Variants in ALDH1A2 observed in about 807,000 individuals in gnomAD.
ALDH1A2 encodes the protein retinal dehydrogenase 2.
Under a neutral mutation model 60.3 loss-of-function variants are expected in ALDH1A2, and 27 were observed. That is an observed-to-expected ratio of 0.45 (90% CI 0.33 to 0.62). The LOEUF is 0.62. ALDH1A2 is among the 20% of genes least tolerant of loss of function. The pLI is 0.02. For missense variants in ALDH1A2, 581 were observed against 643.8 expected (o/e 0.90, Z 1.06); for synonymous variants, 289 against 232.4 (o/e 1.24, Z -2.21).
chr15:58,041,949 A>G (rs558565636), intron 1 of ALDH1A2, among the ~76,000 whole-genome samples: 1 of 152,052 alleles, frequency 6.6e-6, no homozygotes, highest in South Asian at 2.1e-4. Flanking sequence ...TGTAAACGTG[A>G]TGTCTCTCAA....
intron 1 of ALDH1A2, among the ~76,000 whole-genome samples, chr15:58,035,249 A>G (rs1018344519): frequency 4.0e-5 from 6 of 151,656 alleles, no homozygotes; most frequent in Non-Finnish European, 7.4e-5. Context: ...GTTGTGTATA[A>G]TATTTCTGTA....
At chr15:58,062,332 G>A (rs1476640213) in intron 1 of ALDH1A2, among the ~76,000 whole-genome samples, 2 of 152,036 alleles carry the variant, frequency 1.3e-5, no homozygotes, top group Non-Finnish European at 1.5e-5. Context: ...AGGAGAGACC[G>A]GTACAGCCAG....
intron 6 of ALDH1A2, 47 bp downstream of exon 6, chr15:57,992,896 TCC>T: frequency 6.2e-7 from 1 of 1,613,630 alleles, no homozygotes; most frequent in Non-Finnish European, 8.5e-7. Context: ...TCTAGTAGGC[TCC>T]AGCTGTAAGG....
chr15:58,044,710 C>T (rs1334981588), intron 1 of ALDH1A2, among the ~76,000 whole-genome samples: 1 of 151,900 alleles, frequency 6.6e-6, no homozygotes, highest in Non-Finnish European at 1.5e-5. Flanking sequence ...TTTTCCTAGG[C>T]ATATTAAGGA....
chr15:58,049,289 A>G (rs1193304848), intron 1 of ALDH1A2, among the ~76,000 whole-genome samples: 1 of 152,034 alleles, frequency 6.6e-6, no homozygotes, highest in Non-Finnish European at 1.5e-5. Context: ...TCATATTCCT[A>G]CGTGTACAAA....
chr15:57,965,735 A>G lies in ALDH1A2; in HGVS notation c.891T>C (p.Ala297=), dbSNP rs1893873445. ...LGGKSPNIIF[A]DADLDYAVEQ... ...CTGTAGTTGACTTACAGTCAGCATCAGCAAAAATAATATTAGGACTTTTGC... is the reference window on the plus strand; with the variant it reads ...CTGTAGTTGACTTACAGTCAGCATCGGCAAAAATAATATTAGGACTTTTGC... The change falls in exon 8 of 13, where the codon GCT becomes GCC. Residue 297 remains alanine, a synonymous_variant. Transcript: ENST00000249750. 1 of 1,613,136 alleles carries G rather than the reference A, an allele frequency of 6.2e-7. No homozygotes were observed. The highest frequency in any genetic ancestry group is 2.2e-5 in the East Asian group (1 of 44,880).
intron 1 of ALDH1A2, among the ~76,000 whole-genome samples, chr15:58,043,471 TCTCTA>T (rs1490197510): frequency 1.3e-5 from 2 of 152,030 alleles, no homozygotes; most frequent in African/African-American, 2.4e-5. Flanking sequence ...ATTTGTTCCT[TCTCTA>T]AAGAGTGTAT....
rs1340738312 is a variant in ALDH1A2 at position 58,007,038 on chromosome 15, T to C, written c.493+3611A>G. Among the ~76,000 whole-genome samples, 5 of 151,972 alleles carry C rather than the reference T, an allele frequency of 3.3e-5. No individual in the cohort carries two copies. The South Asian group carries it at 1.0e-3, about 32-fold the overall frequency. On this transcript the variant is annotated intron_variant, in intron 4 of 12. Coordinates refer to ENST00000249750, the MANE Select transcript of ALDH1A2 (RefSeq NM_003888.4). Reference sequence around the variant, plus strand: ...ATGTGCCTTACAGAGAAAATACATGTGTCACACAAGCTTCATTCAGGCATC... The same window carrying C: ...ATGTGCCTTACAGAGAAAATACATGCGTCACACAAGCTTCATTCAGGCATC...
chr15:58,029,198 T>G (rs1896162183), intron 1 of ALDH1A2, among the ~76,000 whole-genome samples: 1 of 152,188 alleles, frequency 6.6e-6, no homozygotes, highest in South Asian at 2.1e-4. Flanking sequence ...AAACTGTCTC[T>G]CAGACCACAG....
At chr15:58,023,215 T>C (rs781178761) in intron 1 of ALDH1A2, among the ~76,000 whole-genome samples, 3 of 152,178 alleles carry the variant, frequency 2.0e-5, no homozygotes, top group Non-Finnish European at 4.4e-5. Context: ...TTTAAAATCT[T>C]AGAACCAGGC....
At chr15:58,052,712 T>A (rs114704621) in intron 1 of ALDH1A2, among the ~76,000 whole-genome samples, 2,117 of 152,272 alleles carry the variant, frequency 0.014, 56 homozygotes, top group African/African-American at 0.047. Flanking sequence ...AAGAAACTGT[T>A]AAATGAACAT....
chr15:57,980,149 G>T (rs553786831), intron 7 of ALDH1A2: 2 of 285,112 alleles, frequency 7.0e-6, no homozygotes, highest in South Asian at 3.8e-5. Flanking sequence ...TTTGCAGCCC[G>T]ATGACGCACT....
At chr15:57,970,212 A>AGTTT (rs1894017831) in intron 7 of ALDH1A2, among the ~76,000 whole-genome samples, 1 of 152,220 alleles carries the variant, frequency 6.6e-6, no homozygotes, top group African/African-American at 2.4e-5. Flanking sequence ...ATCTTTTTTT[A>AGTTT]GTTTCCCTGC....
intron 1 of ALDH1A2, among the ~76,000 whole-genome samples, chr15:58,064,585 G>C (rs1026740047): frequency 5.9e-5 from 9 of 152,202 alleles, no homozygotes; most frequent in Non-Finnish European, 1.2e-4. Context: ...GAAGTTGAGT[G>C]TAGAAATGTA....
intron 1 of ALDH1A2, among the ~76,000 whole-genome samples, chr15:58,033,235 TA>T (rs1165963628): frequency 6.6e-6 from 1 of 151,990 alleles, no homozygotes; most frequent in Non-Finnish European, 1.5e-5. Flanking sequence ...TATGTGCAAA[TA>T]AAAAATGCAT....
chr15:57,988,205 T>C (rs753778254), intron 7 of ALDH1A2, among the ~76,000 whole-genome samples: 1 of 152,164 alleles, frequency 6.6e-6, no homozygotes, highest in Non-Finnish European at 1.5e-5. Context: ...AAGGATGAGA[T>C]TGGAACAATG....
chr15:57,980,404 C>T (rs1298615744), intron 7 of ALDH1A2: 2 of 370,048 alleles, frequency 5.4e-6, no homozygotes, highest in East Asian at 7.2e-5. Context: ...GCTGGTGCCA[C>T]TTCTGCATGG....
At position 57,975,959 on chromosome 15, in the gene ALDH1A2, A is replaced by G. The variant is rs530051168; in HGVS notation, c.799-10132T>C. 3.4e-4 allele frequency among the ~76,000 whole-genome samples: 52 copies of G among 152,318 alleles called. 1 individual carries two copies. In the South Asian group the frequency reaches 0.01, roughly 30 times the overall value. The stretch of plus-strand genomic sequence containing the variant: ...ACATGGCCAAGACTTATCAAATTGT[A>G]CACTTTAAATAAGTGAAATCTATTG... On this transcript the variant is annotated intron_variant, in intron 7 of 12. Coordinates refer to ENST00000249750, the MANE Select transcript of ALDH1A2 (RefSeq NM_003888.4).
chr15:58,006,380 G>A (rs1428355101), intron 4 of ALDH1A2, among the ~76,000 whole-genome samples: 15 of 151,960 alleles, frequency 9.9e-5, no homozygotes, highest in Admixed American at 8.5e-4. Context: ...ATTCCATGGT[G>A]CATATTTACC....
Sources: allele counts gnomAD v4.1 joint callset (sites outside exome capture counted in the v4.1 genomes callset), GRCh38; gene constraint gnomAD v4.1.1; transcripts MANE v1.5; gene names NCBI Gene and HGNC (gene_info 2026-07-23, HGNC 2026-07-21).